Variants in SPAG5 observed in about 807,000 individuals in gnomAD.
SPAG5 encodes sperm-associated antigen 5.
Under a neutral mutation model 145.4 loss-of-function variants are expected in SPAG5, and 99 were observed. That is an observed-to-expected ratio of 0.68 (90% CI 0.58 to 0.80). SPAG5 has a LOEUF of 0.80. Among genes scored for constraint, SPAG5 ranks in the 30% least tolerant of loss-of-function variants. The probability of loss-of-function intolerance (pLI) is 0.00; values close to 1 mark genes in which losing one functional copy is unlikely to be tolerated. For synonymous variants in SPAG5, 477 were observed against 525.4 expected, an observed-to-expected ratio of 0.91 and a Z score of 1.26; for missense variants, 1,192 against 1,416.0, an observed-to-expected ratio of 0.84 and a Z score of 2.54.
chr17:28,581,760 C>T (rs544560617), intron 15 of SPAG5, among the ~76,000 whole-genome samples: 1 of 152,316 alleles, frequency 6.6e-6, no homozygotes, highest in Non-Finnish European at 1.5e-5. Flanking sequence ...CTCTCTCAGG[C>T]TCTCTACTCC....
chr17:28,590,395 A>G (rs978711000), intron 4 of SPAG5, among the ~76,000 whole-genome samples: 2 of 151,886 alleles, frequency 1.3e-5, no homozygotes, highest in Non-Finnish European at 2.9e-5. Context: ...CACCCAGCTA[A>G]TTTTTGTATT....
chr17:28,597,309 T>C (rs560022994), intron 2 of SPAG5, among the ~76,000 whole-genome samples: 34 of 151,638 alleles, frequency 2.2e-4, no homozygotes, highest in Non-Finnish European at 4.3e-4. Flanking sequence ...TCCCAGTTAC[T>C]CAGGAGCCTG....
In SPAG5 at chr17:28,585,663, G is replaced by A. The variant is rs1186338082; in HGVS notation, c.1741-10C>T. On this transcript the variant is annotated splice_polypyrimidine_tract_variant and intron_variant, in intron 7 of 23. Coordinates refer to ENST00000321765, the MANE Select transcript of SPAG5 (RefSeq NM_006461.4). ...CCAACACTATCTCTGCCTATTGAGGGAAGTGGTTGCAAGGCCACAGTGGGC... is the reference window on the plus strand; with the variant it reads ...CCAACACTATCTCTGCCTATTGAGGAAAGTGGTTGCAAGGCCACAGTGGGC... 1.2e-6 allele frequency: 2 copies of A among 1,613,298 alleles called. No homozygotes were observed. Among genetic ancestry groups the A allele is most frequent in the Non-Finnish European group, 8.5e-7 (1 of 1,180,038 alleles).
intron 2 of SPAG5, among the ~76,000 whole-genome samples, chr17:28,595,090 T>C (rs946449365): frequency 1.3e-5 from 2 of 151,594 alleles, no homozygotes; most frequent in Non-Finnish European, 2.9e-5. Flanking sequence ...AAACCCCATC[T>C]CTACTCAAAA....
rs776641957 is a variant in SPAG5 at position 28,583,570 on chromosome 17, G to A, written c.2626C>T (p.Leu876=). 3 of 1,613,934 alleles carry A rather than the reference G, an allele frequency of 1.9e-6. No homozygotes were observed. The Admixed American group carries it at 5.0e-5, about 27-fold the overall frequency. ...AGGCTCTGTAGTTGCTCAGTCAGCA[G>A]CCCTAGCTTTTGAGAGTACTGCCGT... The part of the protein sequence containing the change: ...KTRQYSQKLG[L]LTEQLQSLTL... Residue 876 remains leucine (L), a synonymous_variant, in exon 15 of 24, where the codon CTG becomes TTG. Coordinates refer to ENST00000321765, the MANE Select transcript of SPAG5 (RefSeq NM_006461.4).
chr17:28,592,794 A>G lies in SPAG5; in HGVS notation c.450T>C (p.Asp150=). 1.2e-6 allele frequency: 2 copies of G among 1,614,126 alleles called. No homozygotes were observed. The highest frequency in any genetic ancestry group is 1.7e-6 in the Non-Finnish European group (2 of 1,180,026). Reference sequence around the variant, plus strand: ...ATATGCTGTTTGTCTCTGCCATGGTATCTAAACGGGCCTCAAATATCATGT... The same window carrying G: ...ATATGCTGTTTGTCTCTGCCATGGTGTCTAAACGGGCCTCAAATATCATGT... ...QQDMIFEARL[D]TMAETNSISL... The change falls in exon 3 of 24, where the codon GAT becomes GAC. Residue 150 remains aspartate, a synonymous_variant. Transcript: ENST00000321765.
Position 28,579,386 on chromosome 17 carries a change from A to G in SPAG5, c.2984T>C (p.Ile995Thr), listed in dbSNP as rs1345580970. Residue 995 changes from isoleucine to threonine, a missense_variant, in exon 18 of 24, where the codon ATC becomes ACC. Transcript: ENST00000321765. The stretch of plus-strand genomic sequence containing the variant: ...TCACATTTTTCGCTGCAGAGTCCTG[A>G]TGGCTTCTTCTTTAGACTCTTGTAG... Reference protein sequence around the residue: ...SLLQESKEEAIRTLQRKICEL... With the variant: ...SLLQESKEEATRTLQRKICEL... The G allele has an allele frequency of 6.2e-7, 1 of 1,614,154 alleles. No homozygotes were observed.
rs748424057 is a variant in SPAG5 at position 28,584,140 on chromosome 17, T to C, written c.2412+10A>G. Reference sequence around the variant, plus strand: ...TTACCAGCTCCCTTGGCCCAAGCCATATTCCTTACCTCCAAGGTCTCTTTC... The same window carrying C: ...TTACCAGCTCCCTTGGCCCAAGCCACATTCCTTACCTCCAAGGTCTCTTTC... On this transcript the variant is annotated intron_variant, in intron 13 of 23. Coordinates refer to ENST00000321765, the MANE Select transcript of SPAG5 (RefSeq NM_006461.4). The C allele has an allele frequency of 1.1e-5, 17 of 1,613,908 alleles. No individual in the cohort carries two copies. Among genetic ancestry groups the C allele is most frequent in the East Asian group, 2.2e-5 (1 of 44,888 alleles).
chr17:28,592,556 C>T lies in SPAG5; in HGVS notation c.688G>A (p.Glu230Lys). 6.2e-7 allele frequency: 1 copy of T among 1,614,214 alleles called. No homozygotes were observed. The highest frequency in any genetic ancestry group is 8.5e-7 in the Non-Finnish European group (1 of 1,180,044). ...TTACTTTCAGAAGGTACTAAGTCCT[C>T]ACGCACAGCCTCAGTTCTACTGCTC... ...SLSSRTEAVR[E>K]DLVPSESNAF... Residue 230 changes from glutamate to lysine, a missense_variant, in exon 3 of 24, where the codon GAG (glutamate) becomes AAG (lysine). Coordinates refer to ENST00000321765, the MANE Select transcript of SPAG5 (RefSeq NM_006461.4).
At chr17:28,582,370 A>G (rs1449395802) in intron 15 of SPAG5, among the ~76,000 whole-genome samples, 5 of 152,246 alleles carry the variant, frequency 3.3e-5, no homozygotes, top group African/African-American at 4.8e-5. Context: ...ATGTAGTCAG[A>G]TGAAACTTTC....
intron 15 of SPAG5, among the ~76,000 whole-genome samples, chr17:28,582,239 A>G (rs1392847834): frequency 6.6e-6 from 1 of 152,192 alleles, no homozygotes; most frequent in Admixed American, 6.5e-5. Flanking sequence ...ATTCCATATG[A>G]GCAGCATCTT....
rs750070078 is a variant in SPAG5, at chr17:28,591,776, C to A, written c.1359G>T (p.Arg453=). The A allele has an allele frequency of 5.6e-6, 9 of 1,614,014 alleles. No individual in the cohort carries two copies. The highest frequency in any genetic ancestry group is 7.6e-6 in the Non-Finnish European group (9 of 1,180,032). ...GGACAGCCAGCTGGCTCTTCCAGTC[C>A]CGAAGCTGGCGGGAGAGAACCTCCA... is the stretch of plus-strand genomic sequence containing the variant. ...VILEVLSRQL[R]DWKSQLAVPH... is the part of the protein sequence containing the mutation. Residue 453 remains arginine (R), a synonymous_variant, in exon 4 of 24, where the codon CGG becomes CGT. Transcript: ENST00000321765.
intron 2 of SPAG5, among the ~76,000 whole-genome samples, chr17:28,597,963 T>C (rs2070679368): frequency 6.6e-6 from 1 of 152,000 alleles, no homozygotes; most frequent in Non-Finnish European, 1.5e-5. Flanking sequence ...TATACAGGAG[T>C]CAAGCTGCTT....
In SPAG5 at chr17:28,584,430, C is replaced by G; in HGVS notation, c.2212G>C (p.Glu738Gln). Residue 738 changes from glutamate (E) to glutamine (Q), a missense_variant, in exon 12 of 24, where the codon GAG (glutamate) becomes CAG (glutamine). This residue lies in a region of SPAG5 where 709 missense variants were observed against 840.7 expected (regional missense o/e 0.84). Coordinates refer to ENST00000321765, the MANE Select transcript of SPAG5 (RefSeq NM_006461.4). ...ILANMDSQLKELQSQHTHCAQ... is the reference protein window; with the variant it reads ...ILANMDSQLKQLQSQHTHCAQ... ...CAATGGGTATGCTGACTCTGTAGCT[C>G]TTTTAGCTGGCTGTCCATGTTGGCC... is the stretch of plus-strand genomic sequence containing the variant. 1.2e-6 allele frequency: 2 copies of G among 1,614,128 alleles called. No individual in the cohort carries two copies. Among genetic ancestry groups the G allele is most frequent in the Non-Finnish European group, 1.7e-6 (2 of 1,180,030 alleles).
chr17:28,592,742 C>A lies in SPAG5; in HGVS notation c.502G>T (p.Asp168Tyr), dbSNP rs375467524. ...GGTGCCACCTCCTCTCTCACCAGAT[C>A]GTCTGTTCTCAAAGGTCCATTTAAA... ...ISLNGPLRTDDLVREEVAPCM... is the reference protein window; with the variant it reads ...ISLNGPLRTDYLVREEVAPCM... The change falls in exon 3 of 24, where the codon GAT becomes TAT. Residue 168 changes from aspartate (D) to tyrosine (Y), a missense_variant. Asp to Tyr is a radical substitution (Grantham distance 160, BLOSUM62 -3). This residue lies in a region of SPAG5 where 329 missense variants were observed against 354.0 expected (regional missense o/e 0.93). Transcript: ENST00000321765. 4 of 1,614,074 alleles carry A rather than the reference C, an allele frequency of 2.5e-6. No individual in the cohort carries two copies. The Admixed American group carries it at 5.0e-5, about 20-fold the overall frequency.
chr17:28,594,348 C>T (rs2070644886), intron 2 of SPAG5, among the ~76,000 whole-genome samples: 1 of 152,200 alleles, frequency 6.6e-6, no homozygotes, highest in African/African-American at 2.4e-5. Flanking sequence ...GTAATCCCAG[C>T]ACTTTGGGAG....
chr17:28,595,674 G>A (rs777109995), intron 2 of SPAG5, among the ~76,000 whole-genome samples: 4 of 150,870 alleles, frequency 2.7e-5, no homozygotes, highest in Admixed American at 6.6e-5. Flanking sequence ...GCTTGAACCC[G>A]GGAAGCAGAG....
chr17:28,594,619 A>G (rs1487507036), intron 2 of SPAG5, among the ~76,000 whole-genome samples: 4 of 152,010 alleles, frequency 2.6e-5, no homozygotes, highest in Non-Finnish European at 5.9e-5. Flanking sequence ...ATAATAATCA[A>G]ACATATGAAA....
intron 8 of SPAG5, 57 bp from the exon 9 acceptor site, chr17:28,585,468 G>A: frequency 6.2e-7 from 1 of 1,613,550 alleles, no homozygotes; most frequent in Non-Finnish European, 8.5e-7. Flanking sequence ...CAGCAAAGTG[G>A]GAGTATGCAA....
Sources: allele counts gnomAD v4.1 joint callset (sites outside exome capture counted in the v4.1 genomes callset), GRCh38; gene constraint gnomAD v4.1.1; regional missense constraint gnomAD v4.1.1; transcripts MANE v1.5; gene names NCBI Gene and HGNC (gene_info 2026-07-23, HGNC 2026-07-21).